RGS7: variants seen among roughly 807,000 people sequenced by gnomAD.
RGS7 encodes regulator of G protein signaling 7, also known as regulator of G-protein signaling 7.
RGS7 carries 27 observed loss-of-function variants against 81.1 expected under a neutral mutation model. That is an observed-to-expected ratio of 0.33 (90% CI 0.25 to 0.46). The LOEUF (loss-of-function observed/expected upper bound fraction) is 0.46. Among genes scored for constraint, RGS7 ranks in the 20% least tolerant of loss-of-function variants. RGS7 has a pLI of 1.00. For missense variants in RGS7, 396 were observed against 607.4 expected (o/e 0.65, Z 3.66); for synonymous variants, 208 against 207.7 (o/e 1.00, Z -0.01).
At chr1:240,866,802 T>A (rs1200282826) in intron 9 of RGS7, among the ~76,000 whole-genome samples, 1 of 152,172 alleles carries the variant, frequency 6.6e-6, no homozygotes, top group Non-Finnish European at 1.5e-5. Context: ...TGGGATCATG[T>A]GTCATCTCTG....
At chr1:241,102,038 T>C (rs938800467) in intron 2 of RGS7, among the ~76,000 whole-genome samples, 2 of 152,196 alleles carry the variant, frequency 1.3e-5, no homozygotes, top group Non-Finnish European at 2.9e-5. Context: ...TTCTGAGTCA[T>C]CATTTCCACA....
At chr1:241,289,959 A>T (rs1308453580) in intron 2 of RGS7, among the ~76,000 whole-genome samples, 1 of 152,218 alleles carries the variant, frequency 6.6e-6, no homozygotes, top group Non-Finnish European at 1.5e-5. Context: ...ATTCTAGCTT[A>T]GAGTGAATCT....
intron 2 of RGS7, among the ~76,000 whole-genome samples, chr1:241,184,212 G>C (rs2071891340): frequency 6.6e-6 from 1 of 152,110 alleles, no homozygotes; most frequent in Admixed American, 6.5e-5. Flanking sequence ...AAAATGTATT[G>C]AGTGAAGTAG....
At chr1:241,278,036 T>C (rs2078288435) in intron 2 of RGS7, among the ~76,000 whole-genome samples, 2 of 152,350 alleles carry the variant, frequency 1.3e-5, no homozygotes, top group Middle Eastern at 6.8e-3. Context: ...GCTCATGTTG[T>C]CTTTGTTTTG....
chr1:241,216,220 C>T (rs1253164708), intron 2 of RGS7, among the ~76,000 whole-genome samples: 4 of 151,742 alleles, frequency 2.6e-5, no homozygotes, highest in Admixed American at 6.6e-5. Flanking sequence ...TGTAGTGAGC[C>T]GAGATGGTGC....
At chr1:241,187,552 C>T (rs769992510) in intron 2 of RGS7, among the ~76,000 whole-genome samples, 23 of 152,072 alleles carry the variant, frequency 1.5e-4, no homozygotes, top group Admixed American at 5.9e-4. Flanking sequence ...ATTGCAGTCT[C>T]GTTTCAGTCT....
intron 2 of RGS7, among the ~76,000 whole-genome samples, chr1:241,244,003 T>A (rs983171313): frequency 5.3e-5 from 8 of 152,216 alleles, no homozygotes; most frequent in African/African-American, 1.9e-4. Context: ...AAAAAAGAGA[T>A]CCTTTCTAGC....
chr1:241,127,254 T>C (rs1452218978), intron 2 of RGS7, among the ~76,000 whole-genome samples: 1 of 152,178 alleles, frequency 6.6e-6, no homozygotes, highest in Non-Finnish European at 1.5e-5. Context: ...TTGTTCAGAA[T>C]ACATATTTTT....
intron 4 of RGS7, among the ~76,000 whole-genome samples, chr1:240,958,850 T>A (rs1680876552): frequency 6.6e-6 from 1 of 152,212 alleles, no homozygotes; most frequent in African/African-American, 2.4e-5. Flanking sequence ...CCTAGAGCAA[T>A]CTATCCCTCC....
intron 18 of RGS7, among the ~76,000 whole-genome samples, chr1:240,799,571 A>G (rs1032801182): frequency 3.9e-5 from 6 of 152,080 alleles, no homozygotes; most frequent in Non-Finnish European, 4.4e-5. Flanking sequence ...TCTACCATGG[A>G]TATCCAACCT....
chr1:240,779,190 C>T (rs1390502683), intron 18 of RGS7, among the ~76,000 whole-genome samples: 1 of 151,744 alleles, frequency 6.6e-6, no homozygotes, highest in Non-Finnish European at 1.5e-5. Flanking sequence ...TCTCGGGTCA[C>T]TGCAACCTCC....
At chr1:241,179,267 T>C (rs370976469) in intron 2 of RGS7, among the ~76,000 whole-genome samples, 2 of 152,190 alleles carry the variant, frequency 1.3e-5, no homozygotes, top group South Asian at 2.1e-4. Flanking sequence ...GCTAATTTTT[T>C]TGTGCATTTT....
At chr1:240,858,591 TAA>T (rs1661583441) in intron 9 of RGS7, among the ~76,000 whole-genome samples, 1 of 152,238 alleles carries the variant, frequency 6.6e-6, no homozygotes, top group African/African-American at 2.4e-5. Context: ...TGTTGAGTTT[TAA>T]GAGTTATTTG....
At chr1:241,077,890 T>G (rs530305252) in intron 3 of RGS7, among the ~76,000 whole-genome samples, 1 of 152,110 alleles carries the variant, frequency 6.6e-6, no homozygotes, top group African/African-American at 2.4e-5. Flanking sequence ...GAAAGCATTT[T>G]CCAAACTAAG....
intron 9 of RGS7, among the ~76,000 whole-genome samples, chr1:240,859,196 TG>T: frequency 6.6e-6 from 1 of 152,228 alleles, no homozygotes; most frequent in South Asian, 2.1e-4. Flanking sequence ...GACAGGGTCT[TG>T]CTGTGTTGCC....
At chr1:241,240,447 T>C (rs956035129) in intron 2 of RGS7, among the ~76,000 whole-genome samples, 6 of 152,102 alleles carry the variant, frequency 3.9e-5, no homozygotes, top group African/African-American at 1.4e-4. Context: ...GCCACAAATA[T>C]TACACTTATA....
chr1:241,112,088 C>G (rs1035179577), intron 2 of RGS7, among the ~76,000 whole-genome samples: 2 of 151,956 alleles, frequency 1.3e-5, no homozygotes, highest in African/African-American at 4.8e-5. Flanking sequence ...CTGGGCAGGA[C>G]CTGTCAGAGT....
At chr1:240,953,075 G>T (rs1436345681) in intron 4 of RGS7, among the ~76,000 whole-genome samples, 1 of 151,592 alleles carries the variant, frequency 6.6e-6, no homozygotes, top group Non-Finnish European at 1.5e-5. Context: ...AATACATAAG[G>T]CAAAACTAGA....
intron 4 of RGS7, among the ~76,000 whole-genome samples, chr1:240,959,977 T>C (rs544971854): frequency 1.9e-4 from 29 of 152,046 alleles, no homozygotes; most frequent in African/African-American, 7.0e-4. Flanking sequence ...CTGGCCAACA[T>C]GGTGAAACCT....
Sources: allele counts gnomAD v4.1 joint callset (sites outside exome capture counted in the v4.1 genomes callset), GRCh38; gene constraint gnomAD v4.1.1; transcripts MANE v1.5; gene names NCBI Gene and HGNC (gene_info 2026-07-23, HGNC 2026-07-21).